Variants in NRG3 observed in about 807,000 individuals in gnomAD.
NRG3 encodes the protein pro-neuregulin-3, membrane-bound isoform.
NRG3 carries 31 observed loss-of-function variants against 66.9 expected under a neutral mutation model. The observed-to-expected ratio is 0.46, with a 90% CI of 0.35 to 0.63. The LOEUF (loss-of-function observed/expected upper bound fraction) is 0.63, where lower values mean the gene tolerates loss of function less well. Among genes scored for constraint, NRG3 ranks in the 20% least tolerant of loss-of-function variants. NRG3 has a pLI of 0.00. For missense variants in NRG3, 910 were observed against 878.9 expected, an observed-to-expected ratio of 1.04 and a Z score of -0.45; for synonymous variants, 393 against 359.4, an observed-to-expected ratio of 1.09 and a Z score of -1.06.
At chr10:82,645,383 C>T (rs76810386) in intron 2 of NRG3, among the ~76,000 whole-genome samples, 4 of 152,178 alleles carry the variant, frequency 2.6e-5, no homozygotes, top group Non-Finnish European at 5.9e-5. Context: ...TTGTGACAGT[C>T]ACTGTCTTGG....
At chr10:82,468,587 G>C (rs945863436) in intron 2 of NRG3, among the ~76,000 whole-genome samples, 1 of 152,206 alleles carries the variant, frequency 6.6e-6, no homozygotes, top group Non-Finnish European at 1.5e-5. Context: ...TTGTCCAGGA[G>C]ACAGGTGACA....
chr10:82,150,316 C>T (rs746183470), intron 1 of NRG3, among the ~76,000 whole-genome samples: 61 of 152,122 alleles, frequency 4.0e-4, no homozygotes, highest in Admixed American at 2.8e-3. Context: ...TGGGGGCGCT[C>T]CTGCCCAGCT....
intron 3 of NRG3, among the ~76,000 whole-genome samples, chr10:82,864,616 G>C (rs1441826394): frequency 6.6e-6 from 1 of 152,192 alleles, no homozygotes; most frequent in Non-Finnish European, 1.5e-5. Context: ...CATTTAAATA[G>C]AGGAACATCT....
At chr10:82,638,249 A>T (rs1006088767) in intron 2 of NRG3, among the ~76,000 whole-genome samples, 1 of 152,224 alleles carries the variant, frequency 6.6e-6, no homozygotes, top group African/African-American at 2.4e-5. Flanking sequence ...ACCGATTTCC[A>T]TGCCATGTTC....
At chr10:82,806,680 A>C (rs1210015964) in intron 3 of NRG3, among the ~76,000 whole-genome samples, 1 of 152,176 alleles carries the variant, frequency 6.6e-6, no homozygotes, top group Non-Finnish European at 1.5e-5. Flanking sequence ...CGGAGTGGCT[A>C]ATCAGGAGGG....
chr10:81,942,719 G>A (rs1459371823), intron 1 of NRG3, among the ~76,000 whole-genome samples: 5 of 152,142 alleles, frequency 3.3e-5, no homozygotes, highest in South Asian at 4.1e-4. Context: ...TGTTTATGCC[G>A]TTTGAGGACC....
intron 1 of NRG3, among the ~76,000 whole-genome samples, chr10:82,011,076 T>C (rs1343536333): frequency 1.3e-5 from 2 of 152,196 alleles, no homozygotes; most frequent in African/African-American, 2.4e-5. Context: ...AATATTGTAC[T>C]GCATTGGTCT....
chr10:81,994,592 A>T (rs2060864293), intron 1 of NRG3, among the ~76,000 whole-genome samples: 1 of 152,128 alleles, frequency 6.6e-6, no homozygotes, highest in Non-Finnish European at 1.5e-5. Context: ...AGTTGGAAAG[A>T]ATTTGTATAT....
chr10:82,422,531 T>C (rs965174155), intron 2 of NRG3, among the ~76,000 whole-genome samples: 5 of 152,060 alleles, frequency 3.3e-5, no homozygotes, highest in Non-Finnish European at 7.4e-5. Flanking sequence ...CTTTTATGTA[T>C]TGATTATTAT....
At chr10:82,021,050 A>G (rs2062035826) in intron 1 of NRG3, among the ~76,000 whole-genome samples, 1 of 152,044 alleles carries the variant, frequency 6.6e-6, no homozygotes, top group Non-Finnish European at 1.5e-5. Context: ...TCCTAAGAAT[A>G]TTGTGAGTCC....
At chr10:82,446,774 G>A (rs2090750687) in intron 2 of NRG3, among the ~76,000 whole-genome samples, 1 of 152,094 alleles carries the variant, frequency 6.6e-6, no homozygotes, top group African/African-American at 2.4e-5. Flanking sequence ...CACATCCTGC[G>A]CAAGTACTCT....
At chr10:82,408,143 G>GAA (rs1187200361) in intron 2 of NRG3, among the ~76,000 whole-genome samples, 24 of 139,136 alleles carry the variant, frequency 1.7e-4, no homozygotes, top group East Asian at 6.5e-4. Context: ...AAGAAAGAAA[G>GAA]AAAAGAAAAA....
rs60031166 is a variant in NRG3, at chr10:82,242,918, C to G, written c.824-115821C>G. Among the ~76,000 whole-genome samples the G allele has an allele frequency of 3.0e-3, 455 of 152,326 alleles. 5 individuals carry two copies. Among genetic ancestry groups the G allele is most frequent in the African/African-American group, 0.011 (445 of 41,582 alleles). ...TACACCTTGGCTGAGTTTCTACCTA[C>G]AGTCTGACCCTTTTGAACAGAAAGT... On this transcript the variant is annotated intron_variant, in intron 1 of 8. Transcript: ENST00000372141.
chr10:82,256,682 A>G (rs2077744458), intron 1 of NRG3, among the ~76,000 whole-genome samples: 2 of 152,300 alleles, frequency 1.3e-5, no homozygotes, highest in African/African-American at 2.4e-5. Context: ...ACTGGGGAAT[A>G]TTGATGTCTT....
intron 1 of NRG3, among the ~76,000 whole-genome samples, chr10:81,935,216 A>T (rs1455915828): frequency 6.6e-6 from 1 of 152,200 alleles, no homozygotes; most frequent in East Asian, 1.9e-4. Flanking sequence ...GCTTTAGCCT[A>T]TTTGGCACTA....
chr10:82,498,760 G>T (rs780163708), intron 2 of NRG3, among the ~76,000 whole-genome samples: 8 of 152,150 alleles, frequency 5.3e-5, no homozygotes, highest in Non-Finnish European at 8.8e-5. Context: ...CCTGTTGCCT[G>T]TCACTCAATG....
At chr10:82,208,540 G>A (rs2075241284) in intron 1 of NRG3, among the ~76,000 whole-genome samples, 1 of 151,958 alleles carries the variant, frequency 6.6e-6, no homozygotes, top group Non-Finnish European at 1.5e-5. Context: ...CATACAAAGA[G>A]CATCCTATAA....
intron 1 of NRG3, among the ~76,000 whole-genome samples, chr10:82,145,684 A>G (rs2132699116): frequency 6.6e-6 from 1 of 152,342 alleles, no homozygotes; most frequent in East Asian, 1.9e-4. Context: ...CTGCTCTGGT[A>G]CAATAACCAA....
At chr10:82,546,391 A>G (rs2043919115) in intron 2 of NRG3, among the ~76,000 whole-genome samples, 1 of 152,230 alleles carries the variant, frequency 6.6e-6, no homozygotes, top group African/African-American at 2.4e-5. Context: ...TGTAGTAAAC[A>G]TAGTTTAACT....
Sources: gnomAD v4.1 joint callset for allele counts (sites outside exome capture counted in the v4.1 genomes callset) on GRCh38, gnomAD v4.1.1 for gene constraint, MANE v1.5 for transcripts, NCBI Gene and HGNC (gene_info 2026-07-23, HGNC 2026-07-21) for gene names.